The following USH2A variants were observed in gnomAD, a reference collection of about 807,000 sequenced individuals.
The protein encoded by USH2A is Usher syndrome 2A (autosomal recessive, mild).
A neutral mutation model predicts 538.9 loss-of-function variants in USH2A; 443 were observed. The ratio of observed to expected loss-of-function variants is 0.82; its 90% CI spans 0.76 to 0.89. The LOEUF is 0.89. Among genes scored for constraint, USH2A ranks in the 40% least tolerant of loss-of-function variants. The probability of loss-of-function intolerance (pLI) is 0.00; values close to 1 mark genes in which losing one functional copy is unlikely to be tolerated. For missense variants in USH2A, 6,633 were observed against 6,324.8 expected (o/e 1.05, Z -1.65); for synonymous variants, 2,413 against 2,273.5 (o/e 1.06, Z -1.75).
intron 21 of USH2A, among the ~76,000 whole-genome samples, chr1:216,142,755 G>T (rs2033625348): frequency 6.6e-6 from 1 of 152,112 alleles, no homozygotes; most frequent in Non-Finnish European, 1.5e-5. Context: ...GATTGAATTT[G>T]TTTTCATCTC....
At chr1:215,960,524 G>C (rs1415424367) in intron 37 of USH2A, among the ~76,000 whole-genome samples, 1 of 152,056 alleles carries the variant, frequency 6.6e-6, no homozygotes, top group African/African-American at 2.4e-5. Flanking sequence ...GCACCCTTGA[G>C]AGTCATTGAG....
intron 35 of USH2A, among the ~76,000 whole-genome samples, chr1:215,977,607 G>A (rs114589065): frequency 0.018 from 2,699 of 152,116 alleles, 73 homozygotes; most frequent in African/African-American, 0.062. Flanking sequence ...CCCAGGAGGC[G>A]AATTAAGCGA....
intron 21 of USH2A, among the ~76,000 whole-genome samples, chr1:216,151,892 T>G (rs1237663146): frequency 6.6e-6 from 1 of 152,154 alleles, no homozygotes; most frequent in Non-Finnish European, 1.5e-5. Flanking sequence ...TTAATACCCA[T>G]TTTTTTCCTT....
At chr1:216,027,465 T>C (rs1009104192) in intron 32 of USH2A, among the ~76,000 whole-genome samples, 1 of 152,196 alleles carries the variant, frequency 6.6e-6, no homozygotes, top group Non-Finnish European at 1.5e-5. Context: ...AGCTAACTAA[T>C]ATACCTACCA....
At chr1:215,897,543 G>T (rs1378662793) in intron 40 of USH2A, among the ~76,000 whole-genome samples, 1 of 151,916 alleles carries the variant, frequency 6.6e-6, no homozygotes, top group East Asian at 1.9e-4. Flanking sequence ...AAAAAAATTA[G>T]CTGGGTGTGG....
chr1:216,157,123 C>T (rs567658967), intron 21 of USH2A, among the ~76,000 whole-genome samples: 48 of 152,224 alleles, frequency 3.2e-4, no homozygotes, highest in African/African-American at 1.0e-3. Context: ...CCACCCACCT[C>T]GGCCTCCCAA....
At chr1:215,759,624 C>T (rs1660920301) in intron 57 of USH2A, 36 bp downstream of exon 57, 1 of 1,611,046 alleles carries the variant, frequency 6.2e-7, no homozygotes, top group African/African-American at 1.3e-5. Context: ...TGTACAAATC[C>T]TGCTGTATGA....
chr1:216,386,453 T>G (rs4085411), intron 3 of USH2A, among the ~76,000 whole-genome samples: 1 of 148,596 alleles, frequency 6.7e-6, no homozygotes, highest in Non-Finnish European at 1.5e-5. Flanking sequence ...GCCACTGCAC[T>G]CCAGCCTGGG....
intron 15 of USH2A, among the ~76,000 whole-genome samples, chr1:216,210,327 G>A (rs1004960618): frequency 3.3e-5 from 5 of 152,090 alleles, no homozygotes; most frequent in Non-Finnish European, 5.9e-5. Flanking sequence ...GTCTGCACCC[G>A]GAAGGAATGC....
At chr1:216,212,736 T>C (rs530000575) in intron 15 of USH2A, among the ~76,000 whole-genome samples, 62 of 152,012 alleles carry the variant, frequency 4.1e-4, no homozygotes, top group African/African-American at 1.5e-3. Context: ...GGTGTGTGTG[T>C]GTGTATATGT....
chr1:215,888,572 A>G lies in USH2A; in HGVS notation c.8077T>C (p.Trp2693Arg), dbSNP rs1310882905. 3 of 1,614,158 alleles carry G rather than the reference A, an allele frequency of 1.9e-6. No homozygotes were observed. The highest frequency in any genetic ancestry group is 2.7e-5 in the African/African-American group (2 of 75,062). ...AGTACCCGATATTCATATTTTGTCC[A>G]TGGGCTAAGAGCAGAAGTCTTGTCA... ...FIDKTSALSP[W>R]TKYEYRVLMS... Residue 2693 changes from tryptophan (W) to arginine (R), a missense_variant, in exon 41 of 72, where the codon TGG becomes CGG. Trp to Arg is a moderately radical substitution (Grantham distance 101, BLOSUM62 -3). Coordinates refer to ENST00000307340, the MANE Select transcript of USH2A (RefSeq NM_206933.4).
chr1:216,136,076 C>G (rs979127839), intron 21 of USH2A, among the ~76,000 whole-genome samples: 22 of 151,956 alleles, frequency 1.4e-4, no homozygotes, highest in African/African-American at 4.4e-4. Context: ...TATTAATACC[C>G]TCATGAAGTC....
At chr1:215,806,357 C>T (rs1662500796) in intron 49 of USH2A, among the ~76,000 whole-genome samples, 3 of 151,648 alleles carry the variant, frequency 2.0e-5, no homozygotes, top group Non-Finnish European at 4.4e-5. Flanking sequence ...ACCTGAAAGT[C>T]TCTTTCTGTA....
chr1:215,769,084 G>A (rs993143733), intron 55 of USH2A, among the ~76,000 whole-genome samples: 2 of 152,178 alleles, frequency 1.3e-5, no homozygotes, highest in Non-Finnish European at 2.9e-5. Flanking sequence ...ATTTCATTGA[G>A]TTGGAGATAT....
intron 3 of USH2A, among the ~76,000 whole-genome samples, chr1:216,398,506 T>C (rs1025887675): frequency 6.6e-5 from 10 of 151,854 alleles, no homozygotes; most frequent in South Asian, 2.1e-4. Context: ...TGTCATACTT[T>C]AGCCAAACTC....
At chr1:215,743,616 C>T (rs1032205704) in intron 58 of USH2A, among the ~76,000 whole-genome samples, 27 of 150,980 alleles carry the variant, frequency 1.8e-4, no homozygotes, top group Admixed American at 7.9e-4. Context: ...ATCACAAGGT[C>T]AGGAGATGGA....
At chr1:215,885,253 T>C (rs889378880) in intron 41 of USH2A, among the ~76,000 whole-genome samples, 22 of 152,236 alleles carry the variant, frequency 1.4e-4, no homozygotes, top group African/African-American at 5.3e-4. Context: ...GGCTTTCTAC[T>C]TTAATTGGTT....
chr1:216,013,820 A>G (rs1399266298), intron 32 of USH2A, among the ~76,000 whole-genome samples: 4 of 152,146 alleles, frequency 2.6e-5, no homozygotes, highest in Non-Finnish European at 4.4e-5. Context: ...AAATAGCTTT[A>G]TTGCTCACAC....
At chr1:215,949,728 T>C (rs151182789) in intron 37 of USH2A, among the ~76,000 whole-genome samples, 2 of 152,076 alleles carry the variant, frequency 1.3e-5, no homozygotes, top group African/African-American at 2.4e-5. Flanking sequence ...TAGCAAAGAT[T>C]TAATTATCAA....
Sources: gnomAD v4.1 joint callset for allele counts (sites outside exome capture counted in the v4.1 genomes callset) on GRCh38, gnomAD v4.1.1 for gene constraint, MANE v1.5 for transcripts, NCBI Gene and HGNC (gene_info 2026-07-23, HGNC 2026-07-21) for gene names.